The following CARS2 variants were observed in gnomAD, a reference collection of about 807,000 sequenced individuals.
The protein encoded by CARS2 is cysteinyl-tRNA synthetase 2, mitochondrial.
A neutral mutation model predicts 68.8 loss-of-function variants in CARS2; 52 were observed. The observed-to-expected ratio is 0.76, with a 90% CI of 0.61 to 0.95. The LOEUF (loss-of-function observed/expected upper bound fraction) is 0.95, where lower values mean the gene tolerates loss of function less well. Ranked by LOEUF, CARS2 falls within the 40% of genes least tolerant of loss-of-function variation. CARS2 has a pLI of 0.00. For synonymous variants in CARS2, 314 were observed against 303.6 expected (o/e 1.03, Z -0.36); for missense variants, 780 against 754.2 (o/e 1.03, Z -0.40).
At chr13:110,692,155 T>A (rs936289619) in intron 3 of CARS2, among the ~76,000 whole-genome samples, 6 of 150,288 alleles carry the variant, frequency 4.0e-5, no homozygotes, top group Non-Finnish European at 7.4e-5. Context: ...AACAAAAACC[T>A]TCTATAGCTT....
intron 12 of CARS2, 67 bp downstream of exon 12, chr13:110,645,900 A>C: frequency 6.4e-7 from 1 of 1,557,736 alleles, no homozygotes; most frequent in Non-Finnish European, 8.7e-7. Flanking sequence ...CATGAGAAAA[A>C]CCCACCAGAG....
rs372649262 is a variant in CARS2 at position 110,701,429 on chromosome 13, T to C, written c.393+9A>G. ...GCATTATCAATAGATGTAACTCTTC[T>C]CCACTTACCTCATTGGCTCTTTTGA... is the stretch of plus-strand genomic sequence containing the variant. On this transcript the variant is annotated intron_variant, in intron 3 of 14. Transcript: ENST00000257347. 7.1e-5 allele frequency: 83 copies of C among 1,164,460 alleles called. No individual in the cohort carries two copies. Among genetic ancestry groups the C allele is most frequent in the Non-Finnish European group, 9.6e-5 (74 of 770,038 alleles). 72.1% of individuals were successfully genotyped at this position (1,164,460 alleles called of 1,614,324 possible).
intron 11 of CARS2, 133 bp downstream of exon 11, chr13:110,646,968 G>T: frequency 1.8e-6 from 2 of 1,107,488 alleles, no homozygotes; most frequent in Non-Finnish European, 2.5e-6. Flanking sequence ...GCCTCTCTGG[G>T]CAGTCCCTGA....
chr13:110,684,388 C>G (rs980053439), intron 5 of CARS2, among the ~76,000 whole-genome samples: 20 of 152,140 alleles, frequency 1.3e-4, no homozygotes, highest in African/African-American at 4.6e-4. Context: ...CAAACACAAG[C>G]TGCACCCAGG....
Position 110,705,177 on chromosome 13 carries a change from G to A in CARS2, c.275+344C>T, listed in dbSNP as rs1414244033. 2.0e-5 allele frequency among the ~76,000 whole-genome samples: 3 copies of A among 152,206 alleles called. No individual in the cohort carries two copies. Among genetic ancestry groups the A allele is most frequent in the Non-Finnish European group, 4.4e-5 (3 of 68,048 alleles). ...AATAAAGTGACCTGCTCAGTGCTGT[G>A]AAGCTAAGAAGTGGTGGGGCCCAGG... On this transcript the variant is annotated intron_variant, in intron 2 of 14. Coordinates refer to ENST00000257347, the MANE Select transcript of CARS2 (RefSeq NM_024537.4). This position sits in a 1 kb window ranked among gnomAD's most constrained non-coding sequence, Gnocchi z 4.0.
chr13:110,709,960 A>G (rs2064013372), upstream of CARS2, among the ~76,000 whole-genome samples: 2 of 152,152 alleles, frequency 1.3e-5, no homozygotes, highest in Non-Finnish European at 1.5e-5. Context: ...TCAGTATTAC[A>G]TTTTCTTTCA....
chr13:110,662,931 A>T, intron 9 of CARS2: 1 of 450,446 alleles, frequency 2.2e-6, no homozygotes, highest in Admixed American at 2.4e-5. Flanking sequence ...AAACTATGTC[A>T]GCCAGAGCCC....
intron 3 of CARS2, among the ~76,000 whole-genome samples, chr13:110,693,581 G>A (rs1566338351): frequency 1.3e-5 from 2 of 152,182 alleles, no homozygotes; most frequent in East Asian, 3.9e-4. Context: ...GAATGGTCTC[G>A]ATCTCCTGAC....
chr13:110,711,688 G>C (rs1011003055), intron 1 of CARS2, among the ~76,000 whole-genome samples: 3 of 152,232 alleles, frequency 2.0e-5, no homozygotes, highest in African/African-American at 4.8e-5. Context: ...GTGAGATGAA[G>C]GGGCTTAAAA....
chr13:110,694,953 T>C (rs757798733), intron 3 of CARS2, among the ~76,000 whole-genome samples: 3 of 152,168 alleles, frequency 2.0e-5, no homozygotes, highest in Non-Finnish European at 4.4e-5. Flanking sequence ...CCTAGGGTTC[T>C]GCATCTGTGG....
At chr13:110,673,301 C>T (rs561350360) in intron 7 of CARS2, among the ~76,000 whole-genome samples, 47 of 152,122 alleles carry the variant, frequency 3.1e-4, no homozygotes, top group Non-Finnish European at 6.5e-4. Context: ...AACATCGATG[C>T]AAAAATCCTC....
chr13:110,644,224 G>A, intron 13 of CARS2, 161 bp downstream of exon 13: 1 of 1,425,596 alleles, frequency 7.0e-7, no homozygotes, highest in Non-Finnish European at 9.5e-7. Flanking sequence ...ATAAGTATTG[G>A]CTCTGAGTGT....
chr13:110,650,068 C>A (rs2062164361), intron 10 of CARS2, among the ~76,000 whole-genome samples: 1 of 150,810 alleles, frequency 6.6e-6, no homozygotes. Context: ...TCCTGAGTAG[C>A]TGAGATTACA....
intron 3 of CARS2, among the ~76,000 whole-genome samples, chr13:110,692,001 A>ATAT (rs1305170975): frequency 3.0e-3 from 233 of 78,088 alleles, no homozygotes; most frequent in Middle Eastern, 0.011. Flanking sequence ...AAAAAAAAAA[A>ATAT]AAATATATAT....
intron 13 of CARS2, chr13:110,642,928 G>A (rs1887594046): frequency 7.5e-6 from 3 of 397,800 alleles, no homozygotes; most frequent in African/African-American, 2.1e-5. Flanking sequence ...TTCGGCAAAT[G>A]GTCTGAGATT....
At position 110,642,334 on chromosome 13, in the gene CARS2, G is replaced by A; in HGVS notation, c.1604C>T (p.Ala535Val). Residue 535 changes from alanine to valine, a missense_variant, in exon 14 of 15, where the codon GCC becomes GTC. Ala to Val is a moderately conservative substitution (Grantham distance 64, BLOSUM62 0). Coordinates refer to ENST00000257347, the MANE Select transcript of CARS2 (RefSeq NM_024537.4). ...ACDTLRRGLT[A>V]HGINIKDRSS... ...ACTCACCTTGATGTTGATGCCGTGG[G>A]CAGTCAGGCCCCGGCGCAGGGTGTC... 6.4e-7 allele frequency: 1 copy of A among 1,550,512 alleles called. No individual in the cohort carries two copies. The highest frequency in any genetic ancestry group is 1.2e-5 in the South Asian group (1 of 84,058).
chr13:110,702,123 T>G (rs933132483), intron 2 of CARS2, among the ~76,000 whole-genome samples: 3 of 152,236 alleles, frequency 2.0e-5, no homozygotes, highest in Admixed American at 2.0e-4. Context: ...CTCAAGAATC[T>G]GTTTTCCCAT....
chr13:110,710,748 T>C (rs1026744173), upstream of CARS2, among the ~76,000 whole-genome samples: 3 of 152,226 alleles, frequency 2.0e-5, no homozygotes, highest in Non-Finnish European at 2.9e-5. Flanking sequence ...AAAAGTTTTA[T>C]GGAATGTAAA....
intron 3 of CARS2, among the ~76,000 whole-genome samples, chr13:110,698,931 G>A (rs2063702534): frequency 6.6e-6 from 1 of 152,052 alleles, no homozygotes; most frequent in Admixed American, 6.6e-5. Context: ...AGAACAGCTT[G>A]AGCCCAGGAG....
Sources: gnomAD v4.1 joint callset for allele counts (sites outside exome capture counted in the v4.1 genomes callset) on GRCh38, gnomAD v4.1.1 for gene constraint, Gnocchi (gnomAD v3.1) non-coding constraint, MANE v1.5 for transcripts, NCBI Gene and HGNC (gene_info 2026-07-23, HGNC 2026-07-21) for gene names.